The following IRF5 variants were observed in gnomAD, a reference collection of about 807,000 sequenced individuals.
IRF5 encodes interferon regulatory factor 5.
IRF5 carries 24 observed loss-of-function variants against 55.1 expected under a neutral mutation model. The ratio of observed to expected loss-of-function variants is 0.44; its 90% confidence interval spans 0.32 to 0.61. IRF5 has a LOEUF of 0.61. Among genes scored for constraint, IRF5 ranks in the 20% least tolerant of loss-of-function variants. The pLI is 0.07. For synonymous variants in IRF5, 258 were observed against 260.2 expected, an observed-to-expected ratio of 0.99 and a Z score of 0.08; for missense variants, 499 against 658.5, an observed-to-expected ratio of 0.76 and a Z score of 2.65.
Position 128,942,320 on chromosome 7 carries a change from G to A in IRF5, c.195+44G>A, listed in dbSNP as rs759386959. The A allele has an allele frequency of 2.6e-6, 4 of 1,556,930 alleles. No individual in the cohort carries two copies. In the Admixed American group the frequency reaches 5.3e-5, roughly 21 times the overall value. ...GTTGGCTGGACCTCCAGGGCACCCTGTCCCCAGAAGAGGAGCGCACATAAC... is the reference window on the plus strand; with the variant it reads ...GTTGGCTGGACCTCCAGGGCACCCTATCCCCAGAAGAGGAGCGCACATAAC... On this transcript the variant is annotated intron_variant, in intron 2 of 8. Coordinates refer to ENST00000357234, the MANE Select transcript of IRF5 (RefSeq NM_001098629.3).
In IRF5 at chr7:128,948,387, A is replaced by G; in HGVS notation, c.1299+59A>G. On this transcript the variant is annotated intron_variant, in intron 8 of 8. Coordinates refer to ENST00000357234, the MANE Select transcript of IRF5 (RefSeq NM_001098629.3). The surrounding 1 kb of genome is among the most constrained non-coding windows in gnomAD (Gnocchi z 4.6). The stretch of plus-strand genomic sequence containing the variant: ...TTGAAAACTGGGGAATCCTGGGGCT[A>G]GGCCCTTGCCCCAGGCTGGAGGCTC... The G allele has an allele frequency of 6.7e-7, 1 of 1,495,004 alleles. No individual in the cohort carries two copies. The highest frequency in any genetic ancestry group is 1.4e-5 in the African/African-American group (1 of 71,576). 92.6% of individuals were successfully genotyped at this position (1,495,004 alleles called of 1,614,324 possible).
Position 128,948,257 on chromosome 7 carries a change from G to A in IRF5, c.1228G>A (p.Glu410Lys), listed in dbSNP as rs1424905278. The A allele has an allele frequency of 3.1e-6, 5 of 1,613,698 alleles. No individual in the cohort carries two copies. Among genetic ancestry groups the A allele is most frequent in the South Asian group, 2.2e-5 (2 of 91,034 alleles). ...KGQTNTPPPFEIFFCFGEEWP... is the reference protein window; with the variant it reads ...KGQTNTPPPFKIFFCFGEEWP... ...CCAGACCAACACCCCACCACCCTTC[G>A]AGATCTTCTTCTGCTTTGGGGAAGA... is the stretch of plus-strand genomic sequence containing the variant. Residue 410 changes from glutamate (E) to lysine (K), a missense_variant, in exon 8 of 9, where the codon GAG becomes AAG. Physicochemically the swap from Glu to Lys is moderately conservative, Grantham distance 56. Around this residue, in one of 2 missense-constraint regions of IRF5, gnomAD observed 194 missense variants for 318.3 expected, o/e 0.61. Coordinates refer to ENST00000357234, the MANE Select transcript of IRF5 (RefSeq NM_001098629.3). This position sits in a 1 kb window ranked among gnomAD's most constrained non-coding sequence, Gnocchi z 4.6.
upstream of IRF5, among the ~76,000 whole-genome samples, chr7:128,937,136 C>T (rs1795804479): frequency 1.3e-5 from 2 of 152,202 alleles, no homozygotes; most frequent in Admixed American, 1.3e-4. Flanking sequence ...TATTTGCACC[C>T]TGGAACCCCA....
chr7:128,948,618 G>C lies in IRF5; in HGVS notation c.1345G>C (p.Glu449Gln). The change falls in exon 9 of 9, where the codon GAG becomes CAG. Residue 449 changes from glutamate to glutamine, a missense_variant. By Grantham distance (29) the Glu-to-Gln change is conservative. Coordinates refer to ENST00000357234, the MANE Select transcript of IRF5 (RefSeq NM_001098629.3). This position sits in a 1 kb window ranked among gnomAD's most constrained non-coding sequence, Gnocchi z 4.6. ...ACTGCTGCTGGAGATGTTCTCAGGG[G>C]AGCTATCTTGGTCAGCTGATAGTAT... ...ARLLLEMFSG[E>Q]LSWSADSIRL... 1 of 1,614,156 alleles carries C rather than the reference G, an allele frequency of 6.2e-7. No individual in the cohort carries two copies.
rs752856498 is a variant in IRF5, at chr7:128,948,529, C to G, written c.1300-44C>G. 43 of 1,607,518 alleles carry G rather than the reference C, an allele frequency of 2.7e-5. No homozygotes were observed. The South Asian group carries it at 4.3e-4, about 16-fold the overall frequency. On this transcript the variant is annotated intron_variant, in intron 8 of 8. Coordinates refer to ENST00000357234, the MANE Select transcript of IRF5 (RefSeq NM_001098629.3). The surrounding 1 kb of genome is among the most constrained non-coding windows in gnomAD (Gnocchi z 4.6). Reference sequence around the variant, plus strand: ...CCTCATGCACAGCTGGATCTGGCAGCCCTGCCACAGGTCTCCCTGTCTCAT... The same window carrying G: ...CCTCATGCACAGCTGGATCTGGCAGGCCTGCCACAGGTCTCCCTGTCTCAT...
At position 128,948,412 on chromosome 7, in the gene IRF5, C is replaced by T; in HGVS notation, c.1299+84C>T. 4 of 1,462,372 alleles carry T rather than the reference C, an allele frequency of 2.7e-6. No individual in the cohort carries two copies. Among genetic ancestry groups the T allele is most frequent in the Non-Finnish European group, 3.7e-6 (4 of 1,075,924 alleles). The allele number at this position is 1,462,372 out of a possible 1,614,324, so 90.6% of individuals were successfully genotyped here. A position where few individuals can be genotyped will look rare whatever the true frequency, so the allele number is the denominator to read the frequency against. On this transcript the variant is annotated intron_variant, in intron 8 of 8. Transcript: ENST00000357234. This position sits in a 1 kb window ranked among gnomAD's most constrained non-coding sequence, Gnocchi z 4.6. The stretch of plus-strand genomic sequence containing the variant: ...AGGCCCTTGCCCCAGGCTGGAGGCT[C>T]AGGGCTCCCTGAGCAGTGTGAACTT...
chr7:128,942,401 A>C, intron 2 of IRF5, 125 bp downstream of exon 2: 1 of 749,174 alleles, frequency 1.3e-6, no homozygotes. Context: ...GCTGCTGCTG[A>C]TGCCGGGCCC....
In IRF5 at chr7:128,948,968, A is replaced by G; in HGVS notation, c.*150A>G. The G allele has an allele frequency of 1.1e-6, 1 of 939,632 alleles. No homozygotes were observed. The highest frequency in any genetic ancestry group is 1.6e-6 in the Non-Finnish European group (1 of 644,232). The allele number at this position is 939,632 out of a possible 1,614,324, so 58.2% of individuals were successfully genotyped here. On this transcript the variant is annotated 3_prime_UTR_variant, in exon 9 of 9. Coordinates refer to ENST00000357234, the MANE Select transcript of IRF5 (RefSeq NM_001098629.3). This position sits in a 1 kb window ranked among gnomAD's most constrained non-coding sequence, Gnocchi z 4.6. ...GATTTGGGCCAAGAAGGAGAGGGAG[A>G]AAGGCCCGAGCCCCTGCCTTCCCGG...
intron 2 of IRF5, 96 bp from the exon 3 acceptor site, chr7:128,945,749 C>G (rs1796264949): frequency 8.0e-7 from 1 of 1,242,468 alleles, no homozygotes; most frequent in Admixed American, 2.7e-5. Context: ...AGCCGAAGTT[C>G]TCCCCACACA....
upstream of IRF5, chr7:128,937,668 G>C (rs1345749250): frequency 2.0e-5 from 3 of 152,368 alleles, no homozygotes; most frequent in Admixed American, 6.5e-5. Context: ...CCCTCTCCCA[G>C]GGCCCAACTG....
At chr7:128,944,413 T>C (rs1030292909) in intron 2 of IRF5, among the ~76,000 whole-genome samples, 3 of 152,240 alleles carry the variant, frequency 2.0e-5, no homozygotes, top group African/African-American at 7.2e-5. Flanking sequence ...TTTTAAAACT[T>C]TGGGTACATA....
At chr7:128,942,919 A>G (rs1185769232) in intron 2 of IRF5, 2 of 153,398 alleles carry the variant, frequency 1.3e-5, no homozygotes, top group Admixed American at 6.5e-5. Flanking sequence ...TGTTGGGAAC[A>G]AACTATTTTT....
Position 128,947,396 on chromosome 7 carries a change from G to A in IRF5, c.648G>A (p.Leu216=). The stretch of plus-strand genomic sequence containing the variant: ...CCCCTGCTCCAGACCCCAGCCCCCT[G>A]GCTCCTCCCCCTGGCAACCCTGCTG... The part of the protein sequence containing the change: ...LGPPAPDPSP[L]APPPGNPAGF... Residue 216 remains leucine, a synonymous_variant, in exon 6 of 9, where the codon CTG becomes CTA. Transcript: ENST00000357234. This position sits in a 1 kb window ranked among gnomAD's most constrained non-coding sequence, Gnocchi z 6.5. 2 of 1,610,804 alleles carry A rather than the reference G, an allele frequency of 1.2e-6. No homozygotes were observed. The highest frequency in any genetic ancestry group is 1.7e-6 in the Non-Finnish European group (2 of 1,179,002).
At chr7:128,943,451 T>C (rs1421293128) in intron 2 of IRF5, among the ~76,000 whole-genome samples, 2 of 151,130 alleles carry the variant, frequency 1.3e-5, no homozygotes, top group African/African-American at 4.9e-5. Context: ...GGTGCAGTCA[T>C]AGCACAACCT....
chr7:128,946,007 G>A lies in IRF5; in HGVS notation c.358G>A (p.Val120Ile), dbSNP rs928578383. Residue 120 changes from valine (V) to isoleucine (I), a missense_variant, in exon 3 of 9, where the codon GTC becomes ATC. Physicochemically the swap from Val to Ile is conservative, Grantham distance 29 (BLOSUM62 3). Transcript: ENST00000357234. This position sits in a 1 kb window ranked among gnomAD's most constrained non-coding sequence, Gnocchi z 4.2. ...ACCTCAGCCCTACAAGATCTACGAG[G>A]TCTGCTCCAATGGCCCTGCTCCCAC... ...MPPQPYKIYE[V>I]CSNGPAPTDS... is the part of the protein sequence containing the mutation. 15 of 1,608,302 alleles carry A rather than the reference G, an allele frequency of 9.3e-6. No homozygotes were observed. The Admixed American group carries it at 2.3e-4, about 24-fold the overall frequency.
In IRF5 at chr7:128,942,109, AC is replaced by A; in HGVS notation, c.32del (p.Pro11HisfsTer7). 1 of 1,610,044 alleles carries A rather than the reference AC, an allele frequency of 6.2e-7. No individual in the cohort carries two copies. Among genetic ancestry groups the A allele is most frequent in the Non-Finnish European group, 8.5e-7 (1 of 1,178,670 alleles). ...GAACCAGTCCATCCCAGTGGCTCCC[AC>A]CCCACCCCGCCGCGTGCGGCTGAAG... Reference protein sequence around the residue: MNQSIPVAPTPPRRVRLKPW... With the variant: MNQSIPVAPXPPRRVRLKPW... On this transcript the variant is annotated frameshift_variant, in exon 2 of 9. Transcript: ENST00000357234. LOFTEE classifies it high-confidence loss of function.
At chr7:128,939,358 G>C (rs1795900197) in intron 1 of IRF5, among the ~76,000 whole-genome samples, 1 of 152,132 alleles carries the variant, frequency 6.6e-6, no homozygotes, top group Non-Finnish European at 1.5e-5. Flanking sequence ...CTGACCCTGG[G>C]AGGAAGCTGA....
At position 128,947,049 on chromosome 7, in the gene IRF5, C is replaced by G. The variant is rs763385119; in HGVS notation, c.474C>G (p.Ser158Arg). The change falls in exon 5 of 9, where the codon AGC becomes AGG. Residue 158 changes from serine (S) to arginine (R), a missense_variant. Transcript: ENST00000357234. This position sits in a 1 kb window ranked among gnomAD's most constrained non-coding sequence, Gnocchi z 6.5. The stretch of plus-strand genomic sequence containing the variant: ...TGCAGAGGATGTTGCCAAGCCTGAG[C>G]CTCACAGGTGGGGCCGGGAGGTGGT... ...EELQRMLPSL[S>R]LTDAVQSGPH... 6.2e-6 allele frequency: 10 copies of G among 1,614,098 alleles called. No homozygotes were observed. In the South Asian group the frequency reaches 9.9e-5, roughly 16 times the overall value.
rs777132398 is a variant in IRF5, at chr7:128,948,220, G to C, written c.1191G>C (p.Leu397=). 1.9e-6 allele frequency: 3 copies of C among 1,613,296 alleles called. No individual in the cohort carries two copies. The highest frequency in any genetic ancestry group is 1.1e-5 in the South Asian group (1 of 90,922). Residue 397 remains leucine, a synonymous_variant, in exon 8 of 9, where the codon CTG becomes CTC. Transcript: ENST00000357234. This position sits in a 1 kb window ranked among gnomAD's most constrained non-coding sequence, Gnocchi z 4.6. The part of the protein sequence containing the change: ...SLEHFLNELI[L]FQKGQTNTPP... ...TTGATTTTGATGCAGAGCTCATCCT[G>C]TTCCAAAAGGGCCAGACCAACACCC...
Sources: allele counts gnomAD v4.1 joint callset (sites outside exome capture counted in the v4.1 genomes callset), GRCh38; gene constraint gnomAD v4.1.1; regional missense constraint gnomAD v4.1.1; non-coding constraint Gnocchi (gnomAD v3.1); transcripts MANE v1.5; gene names NCBI Gene and HGNC (gene_info 2026-07-23, HGNC 2026-07-21).